The following LAMA3 variants were observed in gnomAD, a reference collection of about 807,000 sequenced individuals.
LAMA3 encodes laminin subunit alpha 3.
In LAMA3, 281 loss-of-function variants were observed where a neutral mutation model predicts 402.0. The ratio of observed to expected loss-of-function variants is 0.70; its 90% confidence interval spans 0.63 to 0.77. The LOEUF is 0.77. LAMA3 is among the 30% of genes least tolerant of loss of function. LAMA3 has a pLI of 0.00. For synonymous variants in LAMA3, 1,431 were observed against 1,558.4 expected (o/e 0.92, Z 1.93); for missense variants, 3,840 against 4,215.5 (o/e 0.91, Z 2.47).
At chr18:23,730,824 G>C (rs918133241) in intron 2 of LAMA3, among the ~76,000 whole-genome samples, 3 of 151,972 alleles carry the variant, frequency 2.0e-5, no homozygotes, top group African/African-American at 7.3e-5. Context: ...ATTATTCTAA[G>C]CCTGAAAAAT....
intron 6 of LAMA3, among the ~76,000 whole-genome samples, chr18:23,754,072 C>G (rs919096700): frequency 5.3e-5 from 8 of 152,122 alleles, no homozygotes; most frequent in Admixed American, 3.9e-4. Context: ...AGATCACCCC[C>G]AAGACATACC....
chr18:23,953,635 C>T lies in LAMA3; in HGVS notation c.9856+526C>T, dbSNP rs535162931. Among the ~76,000 whole-genome samples, 3 of 152,312 alleles carry T rather than the reference C, an allele frequency of 2.0e-5. No individual in the cohort carries two copies. The South Asian group carries it at 6.2e-4, about 32-fold the overall frequency. ...GGGATTACAGGTGTGAGCCACTGCACCTGGCCCCAAGCCTATAATTTATAA... is the reference window on the plus strand; with the variant it reads ...GGGATTACAGGTGTGAGCCACTGCATCTGGCCCCAAGCCTATAATTTATAA... On this transcript the variant is annotated intron_variant, in intron 74 of 74. Transcript: ENST00000313654.
chr18:23,947,087 T>C (rs1257930448), intron 70 of LAMA3, among the ~76,000 whole-genome samples: 1 of 152,180 alleles, frequency 6.6e-6, no homozygotes, highest in Non-Finnish European at 1.5e-5. Context: ...AAGTTGGGAC[T>C]CCCTCTGTCC....
intron 36 of LAMA3, 139 bp from the exon 37 acceptor site, chr18:23,867,695 C>T (rs79745076): frequency 0.029 from 20,948 of 727,908 alleles, 396 homozygotes; most frequent in Non-Finnish European, 0.041. Context: ...ATATTTTTAC[C>T]AGTCAGTTAA....
Position 23,857,946 on chromosome 18 carries a change from G to A in LAMA3, c.4239G>A (p.Glu1413=), listed in dbSNP as rs1473006805. 1.9e-6 allele frequency: 3 copies of A among 1,614,072 alleles called. No homozygotes were observed. The highest frequency in any genetic ancestry group is 1.3e-5 in the African/African-American group (1 of 74,926). Residue 1413 remains glutamate, a synonymous_variant, in exon 33 of 75, where the codon GAG becomes GAA. Transcript: ENST00000313654. ...VPCNCNRDGT[E]PGVCDPGTGA... is the part of the protein sequence containing the mutation. ...GCAATTGCAACAGAGATGGGACTGA[G>A]CCAGGAGTGTGTGACCCAGGGACCG...
chr18:23,768,113 A>G (rs756525424), intron 8 of LAMA3, among the ~76,000 whole-genome samples: 1 of 152,094 alleles, frequency 6.6e-6, no homozygotes, highest in Non-Finnish European at 1.5e-5. Flanking sequence ...AATTTCAACA[A>G]AACAAAAAAT....
chr18:23,908,108 G>A (rs1188257784), intron 54 of LAMA3, among the ~76,000 whole-genome samples, 173 bp downstream of exon 54: 2 of 152,192 alleles, frequency 1.3e-5, no homozygotes, highest in Non-Finnish European at 2.9e-5. Context: ...CTAGTTGGAA[G>A]GACCAGACAG....
chr18:23,932,342 G>C (rs2082187118), intron 66 of LAMA3, 51 bp downstream of exon 66: 2 of 1,599,126 alleles, frequency 1.3e-6, no homozygotes, highest in East Asian at 4.5e-5. Context: ...CTGCCCATGG[G>C]AAGGGTATCT....
intron 12 of LAMA3, among the ~76,000 whole-genome samples, chr18:23,808,552 C>CT (rs1598834084): frequency 6.6e-6 from 1 of 152,224 alleles, no homozygotes; most frequent in South Asian, 2.1e-4. Context: ...GGATGGATGA[C>CT]TGTAAAATAG....
chr18:23,848,426 G>A (rs990511458), intron 32 of LAMA3, among the ~76,000 whole-genome samples: 6 of 152,214 alleles, frequency 3.9e-5, no homozygotes, highest in Non-Finnish European at 5.9e-5. Context: ...AGGACTGGGT[G>A]GGGGCTGCAG....
intron 55 of LAMA3, among the ~76,000 whole-genome samples, chr18:23,910,632 A>G (rs1401217824): frequency 6.6e-6 from 1 of 152,214 alleles, no homozygotes; most frequent in African/African-American, 2.4e-5. Context: ...GGGTCAGAAT[A>G]GCACTAATAA....
At chr18:23,899,498 G>C in intron 47 of LAMA3, 43 bp downstream of exon 47, 1 of 1,595,030 alleles carries the variant, frequency 6.3e-7, no homozygotes, top group Non-Finnish European at 8.6e-7. Flanking sequence ...CATTCTAATT[G>C]ATTTGAAACA....
intron 34 of LAMA3, among the ~76,000 whole-genome samples, chr18:23,859,145 A>AC (rs1463057903): frequency 6.6e-6 from 1 of 152,100 alleles, no homozygotes; most frequent in Admixed American, 6.6e-5. Flanking sequence ...TCGCTGATAC[A>AC]CCCCTAGTGC....
intron 44 of LAMA3, among the ~76,000 whole-genome samples, chr18:23,896,107 G>C (rs1351594575): frequency 1.1e-4 from 17 of 152,080 alleles, no homozygotes; most frequent in Non-Finnish European, 2.5e-4. Context: ...AGGCCGAGGC[G>C]GGTAGATCAC....
At chr18:23,904,742 T>TG (rs762393863) in intron 51 of LAMA3, 48 bp downstream of exon 51, 2 of 1,595,624 alleles carry the variant, frequency 1.3e-6, no homozygotes, top group Non-Finnish European at 1.7e-6. Context: ...TGGAGATGGC[T>TG]GATTTTTATA....
chr18:23,763,647 T>A, intron 8 of LAMA3, 124 bp downstream of exon 8: 1 of 765,252 alleles, frequency 1.3e-6, no homozygotes, highest in East Asian at 2.5e-5. Context: ...AGACCATTTC[T>A]CCACTGTTGC....
intron 2 of LAMA3, among the ~76,000 whole-genome samples, chr18:23,746,662 A>G (rs189671268): frequency 6.6e-6 from 1 of 152,150 alleles, no homozygotes; most frequent in Non-Finnish European, 1.5e-5. Flanking sequence ...GTTATATTAA[A>G]TGAATTAATA....
At chr18:23,860,031 C>T (rs1183093027) in intron 34 of LAMA3, among the ~76,000 whole-genome samples, 1 of 152,110 alleles carries the variant, frequency 6.6e-6, no homozygotes. Flanking sequence ...GGACTAAGAC[C>T]AATTACTATG....
rs757381398 is a variant in LAMA3 at position 23,895,060 on chromosome 18, T to C, written c.5613+2T>C. The C allele has an allele frequency of 1.9e-6, 3 of 1,594,608 alleles. No individual in the cohort carries two copies. The highest frequency in any genetic ancestry group is 1.1e-5 in the South Asian group (1 of 88,416). On this transcript the variant is annotated splice_donor_variant, in intron 44 of 74. Transcript: ENST00000313654. LOFTEE classifies it high-confidence loss of function. ...GAGACCCAGGCCAAGGACCTGAGGG[T>C]AAATCCCCTGCGGCCGAGAGTAGAC...
Sources: allele counts gnomAD v4.1 joint callset (sites outside exome capture counted in the v4.1 genomes callset), GRCh38; gene constraint gnomAD v4.1.1; transcripts MANE v1.5; gene names NCBI Gene and HGNC (gene_info 2026-07-23, HGNC 2026-07-21).